COL4A3: variants seen among roughly 807,000 people sequenced by gnomAD.
COL4A3 encodes collagen type IV alpha 3 chain, also known as collagen alpha-3(IV) chain.
COL4A3 carries 135 observed loss-of-function variants against 217.4 expected under a neutral mutation model. The observed-to-expected ratio is 0.62, with a 90% confidence interval of 0.54 to 0.72. COL4A3 has a LOEUF of 0.72. Among genes scored for constraint, COL4A3 ranks in the 30% least tolerant of loss-of-function variants. COL4A3 has a pLI of 0.00. For synonymous variants in COL4A3, 690 were observed against 736.3 expected, an observed-to-expected ratio of 0.94 and a Z score of 1.02; for missense variants, 1,868 against 2,119.9, an observed-to-expected ratio of 0.88 and a Z score of 2.33.
chr2:227,196,738 A>G (rs1327010424), intron 1 of COL4A3, among the ~76,000 whole-genome samples: 1 of 152,220 alleles, frequency 6.6e-6, no homozygotes, highest in Non-Finnish European at 1.5e-5. Context: ...TCTGTTATGT[A>G]CTTTTGATCT....
Position 227,298,725 on chromosome 2 carries a change from C to T in COL4A3, c.3795C>T (p.Gly1265=), listed in dbSNP as rs1428135386. The T allele has an allele frequency of 1.2e-6, 2 of 1,613,916 alleles. No homozygotes were observed. Among genetic ancestry groups the T allele is most frequent in the Non-Finnish European group, 1.7e-6 (2 of 1,179,984 alleles). The part of the protein sequence containing the change: ...PPGPPGSHVI[G]IKGDKGSMGH... ...GACCTCCAGGGAGTCATGTAATAGG[C>T]ATAAAAGGAGACAAAGGGTCTATGG... Residue 1265 remains glycine, a synonymous_variant, in exon 43 of 52, where the codon GGC becomes GGT. Transcript: ENST00000396578.
intron 42 of COL4A3, 129 bp from the exon 43 acceptor site, chr2:227,298,553 G>C: frequency 7.5e-7 from 1 of 1,333,934 alleles, no homozygotes; most frequent in Non-Finnish European, 1.1e-6. Flanking sequence ...CCCATCACAT[G>C]CTCCAGGGGA....
At chr2:227,309,117 A>T (rs760614453) in intron 49 of COL4A3, 41 bp downstream of exon 49, 12 of 1,612,514 alleles carry the variant, frequency 7.4e-6, no homozygotes, top group Non-Finnish European at 1.0e-5. Flanking sequence ...GGACCAAGTG[A>T]ATCACTTCCC....
chr2:227,259,698 C>T, intron 18 of COL4A3, 95 bp from the exon 19 acceptor site: 1 of 929,960 alleles, frequency 1.1e-6, no homozygotes, highest in Non-Finnish European at 1.8e-6. Context: ...AGGAAGCCAT[C>T]TTTGGGCCAA....
At chr2:227,223,077 TG>T (rs1438235807) in intron 1 of COL4A3, among the ~76,000 whole-genome samples, 2 of 152,242 alleles carry the variant, frequency 1.3e-5, no homozygotes, top group Non-Finnish European at 2.9e-5. Flanking sequence ...ATAAAAGTTC[TG>T]GGGATGAATC....
In COL4A3 at chr2:227,253,496, C is replaced by T. The variant is rs376320909; in HGVS notation, c.688-65C>T. ...AAAGGGGAAAAGTAGACCTTTCAAA[C>T]GTAGTAACATTGAAATGTTGATGCT... On this transcript the variant is annotated intron_variant, in intron 12 of 51. Transcript: ENST00000396578. The surrounding 1 kb of genome is among the most constrained non-coding windows in gnomAD (Gnocchi z 4.4). 1.9e-5 allele frequency: 27 copies of T among 1,445,798 alleles called. No individual in the cohort carries two copies. Among genetic ancestry groups the T allele is most frequent in the Middle Eastern group, 1.7e-4 (1 of 5,732 alleles). The allele number at this position is 1,445,798 out of a possible 1,614,324, so 89.6% of individuals were successfully genotyped here.
intron 1 of COL4A3, among the ~76,000 whole-genome samples, chr2:227,214,079 A>G (rs955142719): frequency 6.6e-6 from 1 of 152,162 alleles, no homozygotes; most frequent in Non-Finnish European, 1.5e-5. Flanking sequence ...GCTGAAGTAA[A>G]TTGGAGTCCA....
rs2073091999 is a variant in COL4A3 at position 227,297,702 on chromosome 2, T to G, written c.3594T>G (p.Gly1198=). 6.2e-7 allele frequency: 1 copy of G among 1,608,938 alleles called. No individual in the cohort carries two copies. Among genetic ancestry groups the G allele is most frequent in the Non-Finnish European group, 8.5e-7 (1 of 1,178,320 alleles). The change falls in exon 42 of 52, where the codon GGT becomes GGG. Residue 1198 remains glycine (G), a synonymous_variant. Coordinates refer to ENST00000396578, the MANE Select transcript of COL4A3 (RefSeq NM_000091.5). ...QGAKGDRGAP[G]FPGLPGRKGA... ...CCAAAGGAGACAGGGGAGCCCCAGG[T>G]TTTCCTGGCCTCCCGGGCAGAAAAG...
intron 1 of COL4A3, among the ~76,000 whole-genome samples, chr2:227,177,254 A>G (rs1354061306): frequency 1.4e-5 from 2 of 146,586 alleles, no homozygotes; most frequent in Non-Finnish European, 3.0e-5. Context: ...GGTTCACACC[A>G]TTCTCCTGCC....
At chr2:227,293,596 C>T (rs188688426) in intron 38 of COL4A3, 7 of 489,110 alleles carry the variant, frequency 1.4e-5, no homozygotes, top group Admixed American at 3.4e-5. Flanking sequence ...AAATGTTAGC[C>T]GTTATACAAT....
At chr2:227,290,702 C>T (rs1267139428) in intron 36 of COL4A3, 45 bp from the exon 37 acceptor site, 3 of 1,597,538 alleles carry the variant, frequency 1.9e-6, no homozygotes, top group South Asian at 1.1e-5. Flanking sequence ...ACTTCAAGAT[C>T]CTCATGTTTA....
chr2:227,183,148 A>G (rs1215665826), intron 1 of COL4A3, among the ~76,000 whole-genome samples: 1 of 152,158 alleles, frequency 6.6e-6, no homozygotes. Context: ...CTGTTTATTC[A>G]AAGTAAAGAA....
chr2:227,207,518 G>C (rs146180584), intron 1 of COL4A3, among the ~76,000 whole-genome samples: 1 of 152,100 alleles, frequency 6.6e-6, no homozygotes, highest in African/African-American at 2.4e-5. Flanking sequence ...CCTAGCTTAC[G>C]GGAAGGAGTA....
intron 37 of COL4A3, 147 bp from the exon 38 acceptor site, chr2:227,293,044 C>A: frequency 1.9e-6 from 2 of 1,043,218 alleles, no homozygotes; most frequent in Non-Finnish European, 1.4e-6. Context: ...CCGTCTTATT[C>A]CCAGCACCTA....
Position 227,164,824 on chromosome 2 carries a change from G to A in COL4A3, c.87+11G>A, listed in dbSNP as rs2065155411. 6.6e-7 allele frequency: 1 copy of A among 1,507,414 alleles called. No individual in the cohort carries two copies. The highest frequency in any genetic ancestry group is 8.8e-7 in the Non-Finnish European group (1 of 1,135,124). 93.4% of individuals were successfully genotyped at this position (1,507,414 alleles called of 1,614,324 possible). On this transcript the variant is annotated intron_variant, in intron 1 of 51. Coordinates refer to ENST00000396578, the MANE Select transcript of COL4A3 (RefSeq NM_000091.5). The surrounding 1 kb of genome is among the most constrained non-coding windows in gnomAD (Gnocchi z 4.8). ...CCCGCAGCCAGCAAGGTGAGTGGGG[G>A]CTGCGCGACCCCCACCCCCGCACTT...
chr2:227,294,041 T>G, intron 38 of COL4A3: 1 of 296,532 alleles, frequency 3.4e-6, no homozygotes, highest in South Asian at 3.2e-5. Flanking sequence ...CACTGTGCTG[T>G]GACTCTTTTT....
At position 227,312,941 on chromosome 2, in the gene COL4A3, G is replaced by C. The variant is rs866036167; in HGVS notation, c.*1071G>C. On this transcript the variant is annotated 3_prime_UTR_variant, in exon 52 of 52. Transcript: ENST00000396578. ...TCTTCCTTTGTAAAAAAAAAAAAAA[G>C]CAACACTTTTTATGTTATATGTTGT... The C allele has an allele frequency of 7.0e-6, 1 of 142,918 alleles. No individual in the cohort carries two copies. The highest frequency in any genetic ancestry group is 7.0e-5 in the Admixed American group (1 of 14,284). 8.9% of individuals were successfully genotyped at this position (142,918 alleles called of 1,614,324 possible).
intron 1 of COL4A3, among the ~76,000 whole-genome samples, chr2:227,167,987 T>C (rs907995863): frequency 1.3e-5 from 2 of 152,234 alleles, no homozygotes; most frequent in African/African-American, 4.8e-5. Context: ...CACGTATCTA[T>C]TGGAGCTTGC....
At chr2:227,228,064 T>G (rs2068194773) in intron 1 of COL4A3, among the ~76,000 whole-genome samples, 1 of 152,256 alleles carries the variant, frequency 6.6e-6, no homozygotes, top group Non-Finnish European at 1.5e-5. Context: ...GTTAGTAATC[T>G]GTATGCTTGC....
Sources: gnomAD v4.1 joint callset for allele counts (sites outside exome capture counted in the v4.1 genomes callset) on GRCh38, gnomAD v4.1.1 for gene constraint, Gnocchi (gnomAD v3.1) non-coding constraint, MANE v1.5 for transcripts, NCBI Gene and HGNC (gene_info 2026-07-23, HGNC 2026-07-21) for gene names.